Variants in DNAJC8 observed in about 807,000 individuals in gnomAD.
The protein encoded by DNAJC8 is DnaJ heat shock protein family (Hsp40) member C8.
A neutral mutation model predicts 43.2 loss-of-function variants in DNAJC8; 24 were observed. That is an observed-to-expected ratio of 0.56 (90% CI 0.40 to 0.78). DNAJC8 has a LOEUF of 0.78. DNAJC8 is among the 30% of genes least tolerant of loss of function. The probability of loss-of-function intolerance (pLI) is 0.00; values close to 1 mark genes in which losing one functional copy is unlikely to be tolerated. For synonymous variants in DNAJC8, 83 were observed against 98.0 expected, an observed-to-expected ratio of 0.85 and a Z score of 0.90; for missense variants, 207 against 299.4, an observed-to-expected ratio of 0.69 and a Z score of 2.28.
At chr1:28,222,445 C>T (rs1646905019) in intron 2 of DNAJC8, among the ~76,000 whole-genome samples, 1 of 135,798 alleles carries the variant, frequency 7.4e-6, no homozygotes, top group East Asian at 2.1e-4. Flanking sequence ...GAGATCACGC[C>T]ACTACACTCC....
chr1:28,222,644 G>A (rs930623898), intron 2 of DNAJC8, among the ~76,000 whole-genome samples: 8 of 151,984 alleles, frequency 5.3e-5, no homozygotes, highest in African/African-American at 1.7e-4. Flanking sequence ...AGTGGGGTCA[G>A]GCAAAACAGA....
rs767545167 is a variant in DNAJC8 at position 28,200,468 on chromosome 1, G to C, written c.*780C>G. 8 of 456,308 alleles carry C rather than the reference G, an allele frequency of 1.8e-5. No individual in the cohort carries two copies. Among genetic ancestry groups the C allele is most frequent in the Non-Finnish European group, 3.1e-5 (7 of 226,794 alleles). The allele number at this position is 456,308 out of a possible 1,614,324, so 28.3% of individuals were successfully genotyped here. A position where few individuals can be genotyped will look rare whatever the true frequency, so the allele number is the denominator to read the frequency against. On this transcript the variant is annotated 3_prime_UTR_variant, in exon 9 of 9. Transcript: ENST00000263697. ...AGATGAAGAAACTAAGGTTCAGCCA[G>C]GTCTGTCCAACCCCAAAGCATTTTG...
chr1:28,206,478 G>C (rs1309656202), intron 6 of DNAJC8, among the ~76,000 whole-genome samples: 1 of 152,164 alleles, frequency 6.6e-6, no homozygotes, highest in African/African-American at 2.4e-5. Flanking sequence ...CAAGGCTGCA[G>C]TGAGTTAAGA....
chr1:28,206,916 A>T (rs964674370), intron 6 of DNAJC8, among the ~76,000 whole-genome samples: 2 of 152,210 alleles, frequency 1.3e-5, no homozygotes, highest in African/African-American at 2.4e-5. Flanking sequence ...CCTAATAAAG[A>T]CAAACATCAA....
intron 3 of DNAJC8, among the ~76,000 whole-genome samples, chr1:28,212,189 A>G (rs1431898845): frequency 1.8e-4 from 19 of 106,104 alleles, no homozygotes; most frequent in African/African-American, 8.3e-4. Context: ...ATATATATAT[A>G]TATATATATA....
chr1:28,206,134 G>A (rs1206237492), intron 6 of DNAJC8, among the ~76,000 whole-genome samples: 2 of 152,134 alleles, frequency 1.3e-5, no homozygotes, highest in Non-Finnish European at 2.9e-5. Context: ...CAAGGCTGCA[G>A]TGAGCCATGA....
chr1:28,229,711 T>C (rs1572072644), intron 1 of DNAJC8, among the ~76,000 whole-genome samples: 1 of 151,176 alleles, frequency 6.6e-6, no homozygotes, highest in African/African-American at 2.4e-5. Context: ...GGGACAGAGG[T>C]TGCAGTGAGC....
chr1:28,217,757 C>T (rs1042503775), intron 2 of DNAJC8, among the ~76,000 whole-genome samples: 4 of 151,968 alleles, frequency 2.6e-5, no homozygotes, highest in Admixed American at 1.3e-4. Flanking sequence ...ACAAAAAAAG[C>T]CTCTGATGAG....
Position 28,212,210 on chromosome 1 carries a change from TATATAA to T in DNAJC8, c.238-1579_238-1574del, listed in dbSNP as rs1353554111. 2.7e-3 allele frequency among the ~76,000 whole-genome samples: 297 copies of T among 109,388 alleles called. 8 individuals carry two copies. Among genetic ancestry groups the T allele is most frequent in the African/African-American group, 9.9e-3 (281 of 28,322 alleles). The allele number at this position is 109,388 out of a possible 152,430, so 71.8% of individuals were successfully genotyped here. A position where few individuals can be genotyped will look rare whatever the true frequency, so the allele number is the denominator to read the frequency against. On this transcript the variant is annotated intron_variant, in intron 3 of 8. Coordinates refer to ENST00000263697, the MANE Select transcript of DNAJC8 (RefSeq NM_014280.3). ...ATATATATATATATATATATATATA[TATATAA>T]ATGAAATTAACTATTCAATATAGAT...
intron 8 of DNAJC8, among the ~76,000 whole-genome samples, chr1:28,202,674 G>A (rs1646744978): frequency 6.7e-6 from 1 of 148,512 alleles, no homozygotes; most frequent in African/African-American, 2.5e-5. Flanking sequence ...TCCACCTCCT[G>A]GGTTCACACC....
chr1:28,214,476 G>A (rs1646837397), intron 3 of DNAJC8, among the ~76,000 whole-genome samples: 2 of 152,190 alleles, frequency 1.3e-5, no homozygotes, highest in African/African-American at 4.8e-5. Context: ...GGAGGTTGCA[G>A]TGACCTGAGA....
At chr1:28,226,558 T>C (rs1646936139) in intron 2 of DNAJC8, among the ~76,000 whole-genome samples, 1 of 151,356 alleles carries the variant, frequency 6.6e-6, no homozygotes, top group African/African-American at 2.4e-5. Flanking sequence ...AAAGAAATGA[T>C]TAAATAAATT....
chr1:28,203,104 G>C (rs950304195), intron 8 of DNAJC8, among the ~76,000 whole-genome samples: 1 of 152,064 alleles, frequency 6.6e-6, no homozygotes. Context: ...GTGTAGGGGT[G>C]GCCACTAGGA....
chr1:28,206,024 A>G (rs1256233479), intron 6 of DNAJC8, among the ~76,000 whole-genome samples: 1 of 152,064 alleles, frequency 6.6e-6, no homozygotes, highest in South Asian at 2.1e-4. Flanking sequence ...TCTCTACAAA[A>G]AATATTAAAA....
intron 2 of DNAJC8, among the ~76,000 whole-genome samples, chr1:28,216,119 C>A (rs1335434235): frequency 6.6e-6 from 1 of 151,996 alleles, no homozygotes; most frequent in Non-Finnish European, 1.5e-5. Flanking sequence ...GAGGCCAAGG[C>A]AGGGAGATCA....
intron 5 of DNAJC8, 42 bp from the exon 6 acceptor site, chr1:28,208,455 T>C (rs896226909): frequency 2.0e-6 from 3 of 1,473,148 alleles, no homozygotes; most frequent in Non-Finnish European, 2.8e-6. Flanking sequence ...GCATCTGTGC[T>C]TTGAGAATAT....
chr1:28,209,700 G>A (rs3767306), intron 5 of DNAJC8, among the ~76,000 whole-genome samples: 28,698 of 152,150 alleles, frequency 0.19, 3,171 homozygotes, highest in Non-Finnish European at 0.25. Context: ...TGTGATGAGA[G>A]GGAGAGAACA....
Position 28,209,983 on chromosome 1 carries a change from C to T in DNAJC8, c.388G>A (p.Val130Met), listed in dbSNP as rs1016918764. 14 of 1,613,734 alleles carry T rather than the reference C, an allele frequency of 8.7e-6. No homozygotes were observed. Among genetic ancestry groups the T allele is most frequent in the Middle Eastern group, 1.6e-4 (1 of 6,078 alleles). Residue 130 changes from valine (V) to methionine (M), a missense_variant, in exon 5 of 9, where the codon GTG becomes ATG. Val to Met is a conservative substitution (Grantham distance 21). This residue lies in a region of DNAJC8 where 159 missense variants were observed against 267.5 expected (regional missense o/e 0.59). Transcript: ENST00000263697. ...CTATAAATACTTACAGTGTGTTCCA[C>T]GTATTCTTTTCCTGCCTGAATTACA... ...LDVIQAGKEY[V>M]EHTVKERKKQ...
At chr1:28,201,799 A>AAG (rs1286276711) in intron 8 of DNAJC8, among the ~76,000 whole-genome samples, 3 of 149,772 alleles carry the variant, frequency 2.0e-5, no homozygotes, top group African/African-American at 7.4e-5. Flanking sequence ...CAAAAAAAAA[A>AAG]AAAAGAAAAG....
Sources: allele counts gnomAD v4.1 joint callset (sites outside exome capture counted in the v4.1 genomes callset), GRCh38; gene constraint gnomAD v4.1.1; regional missense constraint gnomAD v4.1.1; transcripts MANE v1.5; gene names NCBI Gene and HGNC (gene_info 2026-07-23, HGNC 2026-07-21).